Variants in SRRM4 observed in about 807,000 individuals in gnomAD.
The protein encoded by SRRM4 is serine/arginine repetitive matrix 4.
Under a neutral mutation model 68.9 loss-of-function variants are expected in SRRM4, and 33 were observed. The ratio of observed to expected loss-of-function variants is 0.48; its 90% CI spans 0.36 to 0.64. The LOEUF is 0.64. Ranked by LOEUF, SRRM4 falls within the 30% of genes least tolerant of loss-of-function variation. The pLI is 0.00. For missense variants in SRRM4, 817 were observed against 827.1 expected (o/e 0.99, Z 0.15); for synonymous variants, 318 against 318.8 (o/e 1.00, Z 0.03).
intron 5 of SRRM4, among the ~76,000 whole-genome samples, chr12:119,120,913 A>G (rs553453016): frequency 2.8e-4 from 43 of 152,326 alleles, no homozygotes; most frequent in Admixed American, 2.4e-3. Flanking sequence ...GGGTAAGGGG[A>G]GTGACGATGG....
chr12:119,019,638 T>C (rs1477788737), intron 1 of SRRM4, among the ~76,000 whole-genome samples: 1 of 152,160 alleles, frequency 6.6e-6, no homozygotes, highest in Non-Finnish European at 1.5e-5. Context: ...TACACTACCC[T>C]TCATAAGAAC....
In SRRM4 at chr12:118,985,507, T is replaced by C. The variant is rs370719798; in HGVS notation, c.131+3494T>C. 6.6e-5 allele frequency among the ~76,000 whole-genome samples: 10 copies of C among 152,168 alleles called. No homozygotes were observed. In the East Asian group the frequency reaches 1.7e-3, roughly 26 times the overall value. On this transcript the variant is annotated intron_variant, in intron 1 of 12. Coordinates refer to ENST00000267260, the MANE Select transcript of SRRM4 (RefSeq NM_194286.4). ...TCTTTAAAAATGAAAGAAGGTGTCA[T>C]TAGTAATTACCTAGGATGGAAGATC...
At chr12:119,043,464 A>T (rs1310635794) in intron 1 of SRRM4, among the ~76,000 whole-genome samples, 1 of 152,196 alleles carries the variant, frequency 6.6e-6, no homozygotes, top group Non-Finnish European at 1.5e-5. Context: ...TGATGAGTTT[A>T]TCTTTGCAGC....
chr12:119,125,173 G>A (rs568380667), intron 6 of SRRM4, among the ~76,000 whole-genome samples: 6 of 152,216 alleles, frequency 3.9e-5, no homozygotes, highest in South Asian at 2.1e-4. Flanking sequence ...CTGCTCACCC[G>A]TATTCAGTAC....
At chr12:119,003,923 C>G (rs1953400710) in intron 1 of SRRM4, among the ~76,000 whole-genome samples, 3 of 151,698 alleles carry the variant, frequency 2.0e-5, no homozygotes, top group African/African-American at 7.3e-5. Context: ...AATATGCAGG[C>G]AAAAAGTACA....
In SRRM4 at chr12:119,078,690, C is replaced by T. The variant is rs375200440; in HGVS notation, c.132-23546C>T. Among the ~76,000 whole-genome samples, 207 of 152,218 alleles carry T rather than the reference C, an allele frequency of 1.4e-3. 1 individual carries two copies. The highest frequency in any genetic ancestry group is 4.8e-3 in the African/African-American group (201 of 41,550). On this transcript the variant is annotated intron_variant, in intron 1 of 12. Transcript: ENST00000267260. The stretch of plus-strand genomic sequence containing the variant: ...ATCCCAGCACTTTGGGAGGCCAAGG[C>T]AGGAGGATTGCTTGAGCCCAGAAGT...
intron 1 of SRRM4, among the ~76,000 whole-genome samples, chr12:119,053,002 A>G (rs754362421): frequency 6.6e-5 from 10 of 152,236 alleles, no homozygotes; most frequent in East Asian, 1.9e-4. Context: ...ATGAAATTTC[A>G]TGGAATCTCA....
rs1954456267 is a variant in SRRM4 at position 119,154,022 on chromosome 12, A to G, written c.1392-221A>G. Among the ~76,000 whole-genome samples the G allele has an allele frequency of 1.3e-5, 2 of 149,358 alleles. No homozygotes were observed. Among genetic ancestry groups the G allele is most frequent in the African/African-American group, 5.0e-5 (2 of 39,966 alleles). ...ATGATGCCCACCTGCAAATGCTGAC[A>G]CCCCTGCACAAGCCCAGCCCCCACC... On this transcript the variant is annotated intron_variant, in intron 11 of 12. Transcript: ENST00000267260. The surrounding 1 kb of genome is among the most constrained non-coding windows in gnomAD (Gnocchi z 4.7).
At chr12:119,151,883 C>T (rs1423236757) in intron 10 of SRRM4, among the ~76,000 whole-genome samples, 1 of 152,204 alleles carries the variant, frequency 6.6e-6, no homozygotes, top group Non-Finnish European at 1.5e-5. Flanking sequence ...TTCTGCTATT[C>T]TATTAGCCAT....
At chr12:119,018,532 G>T (rs990331690) in intron 1 of SRRM4, among the ~76,000 whole-genome samples, 1 of 151,980 alleles carries the variant, frequency 6.6e-6, no homozygotes, top group Non-Finnish European at 1.5e-5. Context: ...GTTAGTCATT[G>T]GTTTCTTTAA....
intron 4 of SRRM4, among the ~76,000 whole-genome samples, chr12:119,118,720 T>C (rs1245653775): frequency 1.3e-5 from 2 of 152,158 alleles, no homozygotes; most frequent in Admixed American, 6.5e-5. Context: ...GGGGGTTCGC[T>C]GGGGGAAGGG....
At chr12:119,128,789 C>G (rs545450193) in intron 7 of SRRM4, among the ~76,000 whole-genome samples, 1 of 152,216 alleles carries the variant, frequency 6.6e-6, no homozygotes, top group Non-Finnish European at 1.5e-5. Flanking sequence ...GCCCTACTGG[C>G]CTGGGCCAGA....
At chr12:119,053,426 G>T (rs1223361688) in intron 1 of SRRM4, among the ~76,000 whole-genome samples, 1 of 152,176 alleles carries the variant, frequency 6.6e-6, no homozygotes, top group Non-Finnish European at 1.5e-5. Context: ...GGCAGCTGAG[G>T]CTTAAGAAAC....
intron 9 of SRRM4, among the ~76,000 whole-genome samples, chr12:119,146,632 A>G (rs113368052): frequency 2.0e-5 from 3 of 151,344 alleles, no homozygotes; most frequent in Admixed American, 6.6e-5. Context: ...AATTAATTGT[A>G]AGTCATTTAA....
rs1398302232 is a variant in SRRM4 at position 119,156,820 on chromosome 12, G to A, written c.*22G>A. On this transcript the variant is annotated 3_prime_UTR_variant, in exon 13 of 13. Coordinates refer to ENST00000267260, the MANE Select transcript of SRRM4 (RefSeq NM_194286.4). ...CTAAGTGCCCCTGAGCCAGCTGCCCGTGGGGGCCCCTTCGCGCTGCCAGCC... is the reference window on the plus strand; with the variant it reads ...CTAAGTGCCCCTGAGCCAGCTGCCCATGGGGGCCCCTTCGCGCTGCCAGCC... 5.3e-6 allele frequency: 8 copies of A among 1,500,246 alleles called. No individual in the cohort carries two copies. The highest frequency in any genetic ancestry group is 6.2e-6 in the Non-Finnish European group (7 of 1,127,016). 92.9% of individuals were successfully genotyped at this position (1,500,246 alleles called of 1,614,324 possible). A position where few individuals can be genotyped will look rare whatever the true frequency, so the allele number is the denominator to read the frequency against.
chr12:119,087,090 C>T (rs145616027), intron 1 of SRRM4, among the ~76,000 whole-genome samples: 2 of 152,298 alleles, frequency 1.3e-5, no homozygotes, highest in Admixed American at 6.5e-5. Context: ...GGAGTCAGAT[C>T]GTCTGGGTTC....
At chr12:119,130,951 C>A in intron 8 of SRRM4, 117 bp downstream of exon 8, 2 of 1,097,518 alleles carry the variant, frequency 1.8e-6, no homozygotes, top group Non-Finnish European at 2.5e-6. Context: ...CAAAATATCC[C>A]ACTGGCTCCA....
chr12:119,115,965 G>A (rs1012250912), intron 3 of SRRM4, among the ~76,000 whole-genome samples: 2 of 152,010 alleles, frequency 1.3e-5, no homozygotes, highest in Non-Finnish European at 2.9e-5. Flanking sequence ...GAAAAGGCAG[G>A]TGCTGTAGAA....
intron 1 of SRRM4, among the ~76,000 whole-genome samples, chr12:119,081,093 C>T (rs1953945052): frequency 6.6e-6 from 1 of 152,100 alleles, no homozygotes; most frequent in African/African-American, 2.4e-5. Context: ...ATTCAAAGAT[C>T]CGAGAAATAG....
Sources: allele counts gnomAD v4.1 joint callset (sites outside exome capture counted in the v4.1 genomes callset), GRCh38; gene constraint gnomAD v4.1.1; non-coding constraint Gnocchi (gnomAD v3.1); transcripts MANE v1.5; gene names NCBI Gene and HGNC (gene_info 2026-07-23, HGNC 2026-07-21).